Variants in CFAP61 observed in about 807,000 individuals in gnomAD.
The protein encoded by CFAP61 is cilia- and flagella-associated protein 61.
Under a neutral mutation model 135.6 loss-of-function variants are expected in CFAP61, and 107 were observed. The observed-to-expected ratio is 0.79, with a 90% CI of 0.67 to 0.93. The LOEUF (loss-of-function observed/expected upper bound fraction) is 0.93. CFAP61 is among the 40% of genes least tolerant of loss of function. The probability of loss-of-function intolerance (pLI) is 0.00; values close to 1 mark genes in which losing one functional copy is unlikely to be tolerated. For synonymous variants in CFAP61, 575 were observed against 578.5 expected, an observed-to-expected ratio of 0.99 and a Z score of 0.09; for missense variants, 1,507 against 1,556.2, an observed-to-expected ratio of 0.97 and a Z score of 0.53.
intron 8 of CFAP61, among the ~76,000 whole-genome samples, chr20:20,139,397 T>G (rs2051190754): frequency 6.6e-6 from 1 of 152,254 alleles, no homozygotes; most frequent in Non-Finnish European, 1.5e-5. Flanking sequence ...GAGAAAGTCC[T>G]GACAAATTGT....
intron 18 of CFAP61, among the ~76,000 whole-genome samples, chr20:20,235,072 C>T (rs367636155): frequency 7.2e-5 from 11 of 152,242 alleles, no homozygotes; most frequent in East Asian, 1.9e-4. Context: ...GTCTCCTCCA[C>T]GTGGAGGATG....
chr20:20,236,084 TG>T (rs1248004231), intron 18 of CFAP61, among the ~76,000 whole-genome samples: 3 of 152,120 alleles, frequency 2.0e-5, no homozygotes, highest in South Asian at 2.1e-4. Context: ...TGGAGGAAAA[TG>T]TTGTGAATCA....
chr20:20,354,137 G>C (rs1416452224), intron 26 of CFAP61, among the ~76,000 whole-genome samples: 2 of 151,916 alleles, frequency 1.3e-5, no homozygotes, highest in East Asian at 1.9e-4. Context: ...ATACTATTCA[G>C]CCTTGAAAAA....
At chr20:20,057,237 G>GA (rs1012640623) in intron 2 of CFAP61, among the ~76,000 whole-genome samples, 9 of 152,022 alleles carry the variant, frequency 5.9e-5, no homozygotes, top group African/African-American at 1.9e-4. Flanking sequence ...ACTGCACAGT[G>GA]AAAAAATTGT....
At chr20:20,174,593 ATTG>A (rs542849214) in intron 13 of CFAP61, among the ~76,000 whole-genome samples, 131 of 152,278 alleles carry the variant, frequency 8.6e-4, no homozygotes, top group African/African-American at 2.8e-3. Flanking sequence ...GGAGGACAAT[ATTG>A]TTCTTCCCTT....
chr20:20,316,452 G>T (rs2057144620), intron 25 of CFAP61, among the ~76,000 whole-genome samples: 1 of 151,656 alleles, frequency 6.6e-6, no homozygotes, highest in Admixed American at 6.6e-5. Flanking sequence ...GAGACAATGG[G>T]GTTTTCTAGA....
intron 6 of CFAP61, among the ~76,000 whole-genome samples, chr20:20,080,949 C>T (rs765440483): frequency 2.6e-5 from 4 of 151,906 alleles, no homozygotes; most frequent in Non-Finnish European, 5.9e-5. Context: ...TTGCAGTGAT[C>T]CGAGATTGTG....
At chr20:20,061,086 A>G (rs781383689) in intron 2 of CFAP61, among the ~76,000 whole-genome samples, 5 of 152,234 alleles carry the variant, frequency 3.3e-5, no homozygotes, top group Non-Finnish European at 7.3e-5. Context: ...ATTACACATC[A>G]GTTGATAACT....
intron 21 of CFAP61, among the ~76,000 whole-genome samples, chr20:20,268,420 G>A (rs545940639): frequency 6.6e-6 from 1 of 152,296 alleles, no homozygotes; most frequent in African/African-American, 2.4e-5. Context: ...GCTCTCCTTT[G>A]AACTTCTACC....
intron 17 of CFAP61, among the ~76,000 whole-genome samples, chr20:20,210,994 C>T (rs2047594704): frequency 6.6e-6 from 1 of 152,234 alleles, no homozygotes; most frequent in Middle Eastern, 3.4e-3. Flanking sequence ...TGGGTTTTGC[C>T]TTCCTGGAAG....
At chr20:20,287,568 G>A (rs934392285) in intron 22 of CFAP61, among the ~76,000 whole-genome samples, 1 of 152,200 alleles carries the variant, frequency 6.6e-6, no homozygotes. Context: ...TGGGTGTGGG[G>A]CAGGAATACT....
intron 13 of CFAP61, among the ~76,000 whole-genome samples, chr20:20,186,856 A>G (rs1168680809): frequency 6.6e-6 from 1 of 152,206 alleles, no homozygotes; most frequent in Non-Finnish European, 1.5e-5. Flanking sequence ...CCATTGAGTA[A>G]TAATACCCTA....
At chr20:20,063,774 A>G (rs2045005701) in intron 2 of CFAP61, among the ~76,000 whole-genome samples, 1 of 152,242 alleles carries the variant, frequency 6.6e-6, no homozygotes. Flanking sequence ...TTTTGCAGGT[A>G]ATATATTCTC....
intron 13 of CFAP61, among the ~76,000 whole-genome samples, chr20:20,172,893 C>T (rs1486245361): frequency 6.6e-6 from 1 of 152,220 alleles, no homozygotes; most frequent in Non-Finnish European, 1.5e-5. Flanking sequence ...GTTATGATAG[C>T]ACACAGAATA....
At chr20:20,224,094 G>A (rs951537088) in intron 17 of CFAP61, among the ~76,000 whole-genome samples, 4 of 152,192 alleles carry the variant, frequency 2.6e-5, no homozygotes, top group Admixed American at 6.5e-5. Flanking sequence ...TGCTCAAAAC[G>A]CAAAGACATA....
rs1179325525 is a variant in CFAP61 at position 20,098,254 on chromosome 20, G to A, written c.700-401G>A. 7.9e-5 allele frequency among the ~76,000 whole-genome samples: 12 copies of A among 152,094 alleles called. No individual in the cohort carries two copies. The East Asian group carries it at 1.7e-3, about 22-fold the overall frequency. On this transcript the variant is annotated intron_variant, in intron 7 of 26. Coordinates refer to ENST00000245957, the MANE Select transcript of CFAP61 (RefSeq NM_015585.4). ...CAAGGTGACTGCCAAACCACCAGCC[G>A]ACCACATTCTGAGGGCTCTGGAGGT...
At chr20:20,122,261 C>G (rs1234295483) in intron 8 of CFAP61, among the ~76,000 whole-genome samples, 1 of 152,138 alleles carries the variant, frequency 6.6e-6, no homozygotes, top group Non-Finnish European at 1.5e-5. Flanking sequence ...TCAAGTGATT[C>G]TCCTGCCTCA....
At chr20:20,055,444 C>A (rs1336656927) in intron 1 of CFAP61, among the ~76,000 whole-genome samples, 1 of 152,142 alleles carries the variant, frequency 6.6e-6, no homozygotes, top group Non-Finnish European at 1.5e-5. Flanking sequence ...TACCGAGGGG[C>A]CCATCCAAAG....
At chr20:20,177,707 TGTAAA>T (rs1332783629) in intron 13 of CFAP61, among the ~76,000 whole-genome samples, 1 of 148,202 alleles carries the variant, frequency 6.7e-6, no homozygotes, top group Non-Finnish European at 1.5e-5. Flanking sequence ...TGGAGAAAGA[TGTAAA>T]GGAAAGAGAT....
Sources: gnomAD v4.1 joint callset for allele counts (sites outside exome capture counted in the v4.1 genomes callset) on GRCh38, gnomAD v4.1.1 for gene constraint, MANE v1.5 for transcripts, NCBI Gene and HGNC (gene_info 2026-07-23, HGNC 2026-07-21) for gene names.